Variants in SNX29 observed in about 807,000 individuals in gnomAD.
SNX29 encodes sorting nexin 29.
Under a neutral mutation model 102.1 loss-of-function variants are expected in SNX29, and 78 were observed. That is an observed-to-expected ratio of 0.76 (90% CI 0.64 to 0.92). SNX29 has a LOEUF of 0.92. SNX29 is among the 40% of genes least tolerant of loss of function. SNX29 has a pLI of 0.00. For missense variants in SNX29, 1,280 were observed against 1,061.7 expected, an observed-to-expected ratio of 1.21 and a Z score of -2.86; for synonymous variants, 580 against 414.5, an observed-to-expected ratio of 1.40 and a Z score of -4.85.
chr16:12,462,711 C>G (rs1597465340), intron 18 of SNX29, among the ~76,000 whole-genome samples: 2 of 152,174 alleles, frequency 1.3e-5, no homozygotes, highest in African/African-American at 4.8e-5. Context: ...CTGCCTCCCC[C>G]AAACCCAGGA....
intron 20 of SNX29, among the ~76,000 whole-genome samples, chr16:12,566,684 G>A (rs1029534234): frequency 4.3e-5 from 4 of 92,354 alleles, no homozygotes; most frequent in African/African-American, 1.3e-4. Flanking sequence ...GGATAAAGAG[G>A]CTCTTCGTAA....
intron 16 of SNX29, among the ~76,000 whole-genome samples, chr16:12,356,910 C>A (rs1481954121): frequency 6.6e-6 from 1 of 152,220 alleles, no homozygotes; most frequent in Non-Finnish European, 1.5e-5. Flanking sequence ...ATGTCCTCTG[C>A]ATTTCAGAAC....
chr16:12,381,218 C>A (rs1233120376), intron 16 of SNX29, among the ~76,000 whole-genome samples: 10 of 26,068 alleles, frequency 3.8e-4, no homozygotes, highest in African/African-American at 1.5e-3. Flanking sequence ...ATCCACCCAC[C>A]CACCCACCCC....
chr16:12,568,015 A>G (rs1241143968), intron 20 of SNX29, among the ~76,000 whole-genome samples: 2 of 152,164 alleles, frequency 1.3e-5, no homozygotes, highest in Non-Finnish European at 2.9e-5. Context: ...ACCATGCCAA[A>G]CAACCTTTTA....
At chr16:12,474,496 C>A (rs752219253) in intron 18 of SNX29, among the ~76,000 whole-genome samples, 3 of 151,928 alleles carry the variant, frequency 2.0e-5, no homozygotes, top group Admixed American at 1.3e-4. Context: ...GAGGAGGTGC[C>A]CATGTGGAAG....
At chr16:12,344,653 G>C (rs546475967) in intron 15 of SNX29, among the ~76,000 whole-genome samples, 1 of 152,246 alleles carries the variant, frequency 6.6e-6, no homozygotes, top group Non-Finnish European at 1.5e-5. Context: ...TTAGGGTTGG[G>C]TCTGGCGTCC....
chr16:12,521,043 C>T (rs374908707), intron 19 of SNX29, among the ~76,000 whole-genome samples: 2 of 152,034 alleles, frequency 1.3e-5, no homozygotes, highest in African/African-American at 4.8e-5. Context: ...CCAGACATGG[C>T]TGTGTGTGTG....
At chr16:12,309,265 T>C (rs1490158350) in intron 15 of SNX29, among the ~76,000 whole-genome samples, 3 of 152,232 alleles carry the variant, frequency 2.0e-5, no homozygotes, top group Non-Finnish European at 4.4e-5. Flanking sequence ...TCCCTCATTT[T>C]GCCTTTTTGG....
intron 20 of SNX29, among the ~76,000 whole-genome samples, chr16:12,555,198 C>A (rs554561403): frequency 2.0e-5 from 3 of 151,840 alleles, no homozygotes; most frequent in African/African-American, 7.3e-5. Context: ...GGCATGCAGA[C>A]TGGACTATGG....
chr16:12,015,028 C>T (rs555725470), intron 3 of SNX29, among the ~76,000 whole-genome samples: 11 of 151,718 alleles, frequency 7.3e-5, no homozygotes, highest in Non-Finnish European at 1.3e-4. Flanking sequence ...GTTTTCCTTC[C>T]CTTTGGGTTG....
intron 17 of SNX29, among the ~76,000 whole-genome samples, chr16:12,399,979 C>A (rs1453060945): frequency 6.6e-6 from 1 of 152,084 alleles, no homozygotes; most frequent in Non-Finnish European, 1.5e-5. Flanking sequence ...AGCAAGAATT[C>A]ACCCATGTCC....
At chr16:12,506,822 C>T (rs931864844) in intron 19 of SNX29, among the ~76,000 whole-genome samples, 1 of 152,096 alleles carries the variant, frequency 6.6e-6, no homozygotes, top group Non-Finnish European at 1.5e-5. Context: ...ACTTCCCTCC[C>T]AACCCACCCA....
rs1211614472 is a variant in SNX29, at chr16:12,403,436, C to G, written c.1956-12C>G. On this transcript the variant is annotated splice_polypyrimidine_tract_variant and intron_variant, in intron 17 of 20. Transcript: ENST00000566228. ...TGTCTAATGTTGGTCTCTCTCTCTT[C>G]CTTTTGGTTAGATCAAACCGGGCGC... The G allele has an allele frequency of 6.3e-7, 1 of 1,599,130 alleles. No individual in the cohort carries two copies. The highest frequency in any genetic ancestry group is 8.5e-7 in the Non-Finnish European group (1 of 1,172,156).
chr16:12,423,217 A>G (rs2084935868), intron 18 of SNX29, among the ~76,000 whole-genome samples: 1 of 152,028 alleles, frequency 6.6e-6, no homozygotes, highest in South Asian at 2.1e-4. Context: ...TTAAACACAG[A>G]AATAAAATGC....
At chr16:12,029,988 G>A (rs1173927410) in intron 4 of SNX29, among the ~76,000 whole-genome samples, 3 of 152,174 alleles carry the variant, frequency 2.0e-5, no homozygotes, top group Non-Finnish European at 4.4e-5. Flanking sequence ...ATATACCAGA[G>A]ACACAGTTAC....
intron 19 of SNX29, among the ~76,000 whole-genome samples, chr16:12,508,909 G>T (rs187724416): frequency 1.3e-5 from 2 of 152,278 alleles, no homozygotes; most frequent in East Asian, 1.9e-4. Context: ...CCTACACTGT[G>T]GGGTCCTGGC....
intron 18 of SNX29, among the ~76,000 whole-genome samples, chr16:12,406,248 G>A (rs1050327353): frequency 2.0e-5 from 3 of 152,182 alleles, no homozygotes; most frequent in Non-Finnish European, 4.4e-5. Context: ...ATTTCCTGTG[G>A]GCTTCCTGGC....
At chr16:12,140,872 T>C (rs2054843373) in intron 13 of SNX29, among the ~76,000 whole-genome samples, 2 of 152,342 alleles carry the variant, frequency 1.3e-5, no homozygotes, top group African/African-American at 4.8e-5. Flanking sequence ...AATAAAAATA[T>C]TTGGTAATGC....
At chr16:12,134,568 C>T (rs1188916477) in intron 13 of SNX29, among the ~76,000 whole-genome samples, 1 of 152,220 alleles carries the variant, frequency 6.6e-6, no homozygotes, top group Non-Finnish European at 1.5e-5. Flanking sequence ...GGTGCGTAAC[C>T]CAGGAGCAGG....
Sources: allele counts gnomAD v4.1 joint callset (sites outside exome capture counted in the v4.1 genomes callset), GRCh38; gene constraint gnomAD v4.1.1; transcripts MANE v1.5; gene names NCBI Gene and HGNC (gene_info 2026-07-23, HGNC 2026-07-21).